Variants in EPB41L4B observed in about 807,000 individuals in gnomAD.
EPB41L4B encodes the protein band 4.1-like protein 4B.
EPB41L4B carries 30 observed loss-of-function variants against 112.5 expected under a neutral mutation model. The observed-to-expected ratio is 0.27, with a 90% CI of 0.20 to 0.36. The LOEUF (loss-of-function observed/expected upper bound fraction) is 0.36, where lower values mean the gene tolerates loss of function less well. Ranked by LOEUF, EPB41L4B falls within the 10% of genes least tolerant of loss-of-function variation. The pLI, the probability that EPB41L4B is intolerant of heterozygous loss-of-function variation, is 1.00. For synonymous variants in EPB41L4B, 408 were observed against 439.7 expected, an observed-to-expected ratio of 0.93 and a Z score of 0.90; for missense variants, 1,024 against 1,133.3, an observed-to-expected ratio of 0.90 and a Z score of 1.38.
intron 1 of EPB41L4B, among the ~76,000 whole-genome samples, chr9:109,312,753 A>G (rs1216282608): frequency 1.3e-5 from 2 of 152,010 alleles, no homozygotes; most frequent in East Asian, 3.9e-4. Context: ...CAACTCACTC[A>G]CTCACTCCTT....
intron 17 of EPB41L4B, 39 bp downstream of exon 17, chr9:109,213,661 C>G (rs2118818011): frequency 6.4e-7 from 1 of 1,567,032 alleles, no homozygotes; most frequent in East Asian, 2.2e-5. Context: ...GATGTCAGCA[C>G]CAAGTCCATG....
intron 14 of EPB41L4B, among the ~76,000 whole-genome samples, chr9:109,247,220 C>T (rs1328852605): frequency 6.8e-6 from 1 of 147,888 alleles, no homozygotes; most frequent in African/African-American, 2.5e-5. Context: ...GGGAGCAATT[C>T]GCAAATAATT....
intron 1 of EPB41L4B, among the ~76,000 whole-genome samples, chr9:109,314,574 T>C (rs1837556312): frequency 6.6e-6 from 1 of 151,574 alleles, no homozygotes; most frequent in African/African-American, 2.4e-5. Flanking sequence ...GAAGGGGAGT[T>C]AGTGCTCTTG....
At chr9:109,246,906 T>C (rs1158396190) in intron 14 of EPB41L4B, among the ~76,000 whole-genome samples, 2 of 152,202 alleles carry the variant, frequency 1.3e-5, no homozygotes, top group South Asian at 2.1e-4. Flanking sequence ...AAACCATGTA[T>C]CTATTCGTGT....
intron 13 of EPB41L4B, among the ~76,000 whole-genome samples, chr9:109,248,845 G>A (rs1000780211): frequency 6.6e-6 from 1 of 151,822 alleles, no homozygotes; most frequent in Non-Finnish European, 1.5e-5. Context: ...TGATCACGAG[G>A]TCAGGAGATC....
intron 1 of EPB41L4B, among the ~76,000 whole-genome samples, chr9:109,319,025 C>T (rs993917791): frequency 6.6e-6 from 1 of 152,168 alleles, no homozygotes; most frequent in East Asian, 1.9e-4. Context: ...CTTGGAAGTC[C>T]GGGTATGTTA....
chr9:109,190,384 G>C (rs1014486692), intron 22 of EPB41L4B, among the ~76,000 whole-genome samples: 4 of 152,256 alleles, frequency 2.6e-5, no homozygotes, highest in Admixed American at 2.6e-4. Flanking sequence ...CTCTTCAGCA[G>C]GAAATGCTGA....
chr9:109,316,027 C>A (rs1837621394), intron 1 of EPB41L4B, among the ~76,000 whole-genome samples: 1 of 152,072 alleles, frequency 6.6e-6, no homozygotes, highest in African/African-American at 2.4e-5. Flanking sequence ...AACCTACTAG[C>A]AACCTTTCAG....
chr9:109,231,868 T>C (rs1026669954), intron 15 of EPB41L4B, among the ~76,000 whole-genome samples: 1 of 152,166 alleles, frequency 6.6e-6, no homozygotes, highest in Admixed American at 6.5e-5. Context: ...ATTTCATGAG[T>C]TGATTTTTGC....
chr9:109,282,978 G>T (rs552875024), intron 1 of EPB41L4B, among the ~76,000 whole-genome samples: 3 of 152,106 alleles, frequency 2.0e-5, no homozygotes, highest in Non-Finnish European at 4.4e-5. Flanking sequence ...CACCGCGCCC[G>T]GCCAAATGAT....
intron 1 of EPB41L4B, among the ~76,000 whole-genome samples, chr9:109,306,811 G>A (rs1837219821): frequency 6.6e-6 from 1 of 152,134 alleles, no homozygotes; most frequent in African/African-American, 2.4e-5. Context: ...CCTTCGAAAA[G>A]GCAGAGTAAA....
chr9:109,193,412 C>A (rs1439648041), intron 21 of EPB41L4B, among the ~76,000 whole-genome samples: 1 of 152,204 alleles, frequency 6.6e-6, no homozygotes, highest in African/African-American at 2.4e-5. Flanking sequence ...CCAGCCAGGG[C>A]AAGATAGCAG....
At chr9:109,177,899 T>G (rs1831902520) in intron 24 of EPB41L4B, among the ~76,000 whole-genome samples, 1 of 151,964 alleles carries the variant, frequency 6.6e-6, no homozygotes, top group Admixed American at 6.6e-5. Context: ...TCACAGGTTC[T>G]CTCTCTCTTC....
In EPB41L4B at chr9:109,172,683, C is replaced by T. The variant is rs1409617503; in HGVS notation, c.*1871G>A. On this transcript the variant is annotated 3_prime_UTR_variant, in exon 26 of 26. Coordinates refer to ENST00000374566, the MANE Select transcript of EPB41L4B (RefSeq NM_019114.5). ...AAGGTTAAATACTCTCCAGTATACT[C>T]TGTTTACTAAGGCAGGGAAGTGCGT... The T allele has an allele frequency of 2.0e-5, 3 of 152,260 alleles. No individual in the cohort carries two copies. The highest frequency in any genetic ancestry group is 7.2e-5 in the African/African-American group (3 of 41,430). 9.4% of individuals were successfully genotyped at this position (152,260 alleles called of 1,614,324 possible).
At chr9:109,308,284 T>C (rs923697244) in intron 1 of EPB41L4B, among the ~76,000 whole-genome samples, 3 of 152,092 alleles carry the variant, frequency 2.0e-5, no homozygotes, top group African/African-American at 7.2e-5. Flanking sequence ...TTCTTGAGGA[T>C]AAGGATCTTA....
intron 22 of EPB41L4B, among the ~76,000 whole-genome samples, chr9:109,191,140 C>A (rs1832445978): frequency 6.6e-6 from 1 of 152,154 alleles, no homozygotes; most frequent in Non-Finnish European, 1.5e-5. Flanking sequence ...TTCTAGGACC[C>A]TTTGGCGCTC....
intron 6 of EPB41L4B, among the ~76,000 whole-genome samples, chr9:109,259,428 G>A (rs893918): frequency 3.9e-5 from 6 of 151,930 alleles, no homozygotes; most frequent in Non-Finnish European, 7.4e-5. Context: ...CTAATGTGGC[G>A]ACCCTGGAAA....
At chr9:109,312,473 A>G (rs1318908930) in intron 1 of EPB41L4B, among the ~76,000 whole-genome samples, 1 of 152,158 alleles carries the variant, frequency 6.6e-6, no homozygotes, top group African/African-American at 2.4e-5. Context: ...AGGGGTCGCC[A>G]TCCAGCTCGG....
At chr9:109,211,141 C>T (rs569748630) in intron 17 of EPB41L4B, among the ~76,000 whole-genome samples, 1 of 152,208 alleles carries the variant, frequency 6.6e-6, no homozygotes, top group South Asian at 2.1e-4. Context: ...GTTATCCAAA[C>T]CTTAGAAGAA....
Sources: gnomAD v4.1 joint callset for allele counts (sites outside exome capture counted in the v4.1 genomes callset) on GRCh38, gnomAD v4.1.1 for gene constraint, MANE v1.5 for transcripts, NCBI Gene and HGNC (gene_info 2026-07-23, HGNC 2026-07-21) for gene names.